OCA2: variants seen among roughly 807,000 people sequenced by gnomAD.
OCA2 encodes P protein.
OCA2 carries 77 observed loss-of-function variants against 100.2 expected under a neutral mutation model. The observed-to-expected ratio is 0.77, with a 90% confidence interval of 0.64 to 0.93. The LOEUF is 0.93. OCA2 is among the 40% of genes least tolerant of loss of function. The pLI, the probability that OCA2 is intolerant of heterozygous loss-of-function variation, is 0.00. For missense variants in OCA2, 1,062 were observed against 1,089.1 expected (o/e 0.98, Z 0.35); for synonymous variants, 432 against 439.2 (o/e 0.98, Z 0.21).
intron 2 of OCA2, among the ~76,000 whole-genome samples, chr15:28,054,233 C>G (rs1293993121): frequency 6.6e-6 from 1 of 151,938 alleles, no homozygotes; most frequent in African/African-American, 2.4e-5. Flanking sequence ...TGTGTGTATG[C>G]ATATATACAT....
intron 3 of OCA2, among the ~76,000 whole-genome samples, chr15:28,029,274 A>G (rs1425464379): frequency 2.0e-5 from 3 of 152,234 alleles, no homozygotes; most frequent in South Asian, 4.1e-4. Context: ...TGTATAACCA[A>G]TGTGTAACAA....
intron 23 of OCA2, among the ~76,000 whole-genome samples, chr15:27,825,922 A>G (rs895026160): frequency 6.6e-6 from 1 of 152,252 alleles, no homozygotes; most frequent in African/African-American, 2.4e-5. Flanking sequence ...TTTGTGCAAT[A>G]GATTCTCCTT....
At chr15:27,953,114 T>C (rs2040091395) in intron 17 of OCA2, among the ~76,000 whole-genome samples, 1 of 152,198 alleles carries the variant, frequency 6.6e-6, no homozygotes, top group Non-Finnish European at 1.5e-5. Context: ...TGGATGCAGG[T>C]GGATCTCGAT....
At position 27,817,343 on chromosome 15, in the gene OCA2, C is replaced by T. The variant is rs923552299; in HGVS notation, c.2432+27616G>A. ...CCTGCTTCCTCAGAGCCATCTGCTGCCTGTTGCCCCAGAATCCGGCAGACC... is the reference window on the plus strand; with the variant it reads ...CCTGCTTCCTCAGAGCCATCTGCTGTCTGTTGCCCCAGAATCCGGCAGACC... On this transcript the variant is annotated intron_variant, in intron 23 of 23. Transcript: ENST00000354638. 1.1e-4 allele frequency among the ~76,000 whole-genome samples: 17 copies of T among 152,318 alleles called. No homozygotes were observed. In the East Asian group the frequency reaches 2.5e-3, roughly 22 times the overall value.
Position 27,985,099 on chromosome 15 carries a change from G to A in OCA2, c.1329C>T (p.Val443=), listed in dbSNP as rs963944815. 6.2e-7 allele frequency: 1 copy of A among 1,614,040 alleles called. No individual in the cohort carries two copies. The highest frequency in any genetic ancestry group is 1.7e-5 in the Admixed American group (1 of 60,022). The change falls in exon 13 of 24, where the codon GTC becomes GTT. Residue 443 remains valine, a synonymous_variant. Coordinates refer to ENST00000354638, the MANE Select transcript of OCA2 (RefSeq NM_000275.3). ...AAVLSAFLDN[V]TTMLLFTPVT... ...CAGGCGTGAAGAGGAGCATGGTGGT[G>A]ACGTTGTCCAAGAAGGCAGAGAGGA...
chr15:27,886,786 C>T (rs2037239388), intron 19 of OCA2, among the ~76,000 whole-genome samples: 2 of 152,144 alleles, frequency 1.3e-5, no homozygotes, highest in African/African-American at 2.4e-5. Flanking sequence ...CCCCAAACTC[C>T]CTGCTTACTC....
At chr15:27,768,696 T>C (rs541221126) in intron 23 of OCA2, among the ~76,000 whole-genome samples, 2 of 152,330 alleles carry the variant, frequency 1.3e-5, no homozygotes, top group South Asian at 4.1e-4. Context: ...ATGAATCTTG[T>C]TTTTTAGGGT....
At chr15:28,018,661 T>C in intron 6 of OCA2, 104 bp from the exon 7 acceptor site, 1 of 1,093,286 alleles carries the variant, frequency 9.1e-7, no homozygotes, top group Non-Finnish European at 1.3e-6. Flanking sequence ...AAGAAATGCG[T>C]TTCCCCAGGT....
intron 21 of OCA2, among the ~76,000 whole-genome samples, chr15:27,868,297 C>G (rs1386296550): frequency 6.6e-6 from 1 of 152,132 alleles, no homozygotes; most frequent in East Asian, 1.9e-4. Context: ...ATAGCCAAGA[C>G]ATGGGAAAAA....
chr15:27,956,088 A>T (rs1209469008), intron 16 of OCA2, among the ~76,000 whole-genome samples: 3 of 152,160 alleles, frequency 2.0e-5, no homozygotes, highest in Non-Finnish European at 2.9e-5. Flanking sequence ...GGTGACTCAC[A>T]TCTATAATCC....
intron 19 of OCA2, among the ~76,000 whole-genome samples, chr15:27,908,173 A>G (rs1482319711): frequency 6.6e-6 from 1 of 152,202 alleles, no homozygotes. Flanking sequence ...TTAAGAAAAT[A>G]ATAAATCATA....
chr15:27,893,462 G>A (rs903354267), intron 19 of OCA2, among the ~76,000 whole-genome samples: 2 of 152,204 alleles, frequency 1.3e-5, no homozygotes, highest in Admixed American at 6.5e-5. Context: ...CAGGCAAAAA[G>A]AGCCATATTT....
At chr15:27,975,444 TTTGAG>T (rs1401636859) in intron 14 of OCA2, among the ~76,000 whole-genome samples, 1 of 152,178 alleles carries the variant, frequency 6.6e-6, no homozygotes, top group African/African-American at 2.4e-5. Flanking sequence ...TATGATCCAG[TTTGAG>T]TTAATTTGTG....
At chr15:27,757,912 AGG>A (rs1304593895) in intron 23 of OCA2, among the ~76,000 whole-genome samples, 1 of 152,236 alleles carries the variant, frequency 6.6e-6, no homozygotes, top group Non-Finnish European at 1.5e-5. Flanking sequence ...TTTGGTGGTA[AGG>A]AATTTAATGA....
chr15:27,725,386 G>A, the OCA2 span, among the ~76,000 whole-genome samples: 18 of 152,138 alleles, frequency 1.2e-4, no homozygotes, highest in Non-Finnish European at 2.9e-5. Context: ...AGATCAGCCT[G>A]GCCAACATGG....
chr15:28,091,776 C>T (rs543061170), intron 1 of OCA2, among the ~76,000 whole-genome samples: 41 of 151,876 alleles, frequency 2.7e-4, no homozygotes, highest in African/African-American at 9.0e-4. Context: ...GCCAACACGG[C>T]GAAACCTCGT....
At chr15:28,024,288 A>G (rs1252795966) in intron 5 of OCA2, among the ~76,000 whole-genome samples, 15 of 152,190 alleles carry the variant, frequency 9.9e-5, no homozygotes, top group Non-Finnish European at 2.2e-4. Context: ...CTACAAGGGC[A>G]TCTCACGTTG....
At chr15:28,085,957 A>G (rs1325549254) in intron 1 of OCA2, among the ~76,000 whole-genome samples, 2 of 152,210 alleles carry the variant, frequency 1.3e-5, no homozygotes, top group African/African-American at 4.8e-5. Context: ...GCAGACCCAC[A>G]TCCACTCAGG....
chr15:27,852,517 G>A (rs2035791775), intron 21 of OCA2, among the ~76,000 whole-genome samples: 1 of 152,130 alleles, frequency 6.6e-6, no homozygotes, highest in African/African-American at 2.4e-5. Flanking sequence ...GCATGGGCAA[G>A]GACTTCATGT....
Sources: gnomAD v4.1 joint callset for allele counts (sites outside exome capture counted in the v4.1 genomes callset) on GRCh38, gnomAD v4.1.1 for gene constraint, MANE v1.5 for transcripts, NCBI Gene and HGNC (gene_info 2026-07-23, HGNC 2026-07-21) for gene names.